The following CADM2 variants were observed in gnomAD, a reference collection of about 807,000 sequenced individuals.
CADM2 encodes the protein cell adhesion molecule 2, also known as immunoglobulin superfamily member 4D.
A neutral mutation model predicts 49.8 loss-of-function variants in CADM2; 12 were observed. The ratio of observed to expected loss-of-function variants is 0.24; its 90% CI spans 0.15 to 0.39. The LOEUF (loss-of-function observed/expected upper bound fraction) is 0.39. CADM2 is among the 10% of genes least tolerant of loss of function. The pLI, the probability that CADM2 is intolerant of heterozygous loss-of-function variation, is 1.00. For synonymous variants in CADM2, 214 were observed against 175.4 expected (o/e 1.22, Z -1.74); for missense variants, 378 against 492.3 (o/e 0.77, Z 2.20).
chr3:85,191,830 G>T (rs900194838), intron 1 of CADM2, among the ~76,000 whole-genome samples: 5 of 152,022 alleles, frequency 3.3e-5, no homozygotes, highest in Non-Finnish European at 7.4e-5. Flanking sequence ...AATTTCTGGA[G>T]GTGTTTATTC....
At position 86,016,087 on chromosome 3, in the gene CADM2, G is replaced by A. The variant is rs556247789; in HGVS notation, c.971-49518G>A. On this transcript the variant is annotated intron_variant, in intron 8 of 9. Transcript: ENST00000383699. ...TATTCACTAAAGGAAAATAATTTAC[G>A]AGCTTCTAGAAATTTTACTATCATG... Among the ~76,000 whole-genome samples the A allele has an allele frequency of 4.6e-5, 7 of 151,964 alleles. No homozygotes were observed. The East Asian group carries it at 7.8e-4, about 17-fold the overall frequency.
intron 1 of CADM2, among the ~76,000 whole-genome samples, chr3:85,455,253 T>A (rs1407854581): frequency 1.3e-5 from 2 of 152,242 alleles, no homozygotes; most frequent in Non-Finnish European, 2.9e-5. Context: ...TTTGAATTCA[T>A]AAGTAAAGGA....
chr3:85,985,017 C>T lies in CADM2; in HGVS notation c.970+23370C>T, dbSNP rs1727920736. 2.0e-5 allele frequency among the ~76,000 whole-genome samples: 3 copies of T among 151,842 alleles called. No individual in the cohort carries two copies. In the South Asian group the frequency reaches 6.2e-4, roughly 31 times the overall value. ...ATATCTAGAACTAGAGTTATATTGA[C>T]AAAACTCACAACATTTTAAGATGTG... On this transcript the variant is annotated intron_variant, in intron 8 of 9. Coordinates refer to ENST00000383699, the MANE Select transcript of CADM2 (RefSeq NM_001167675.2).
chr3:85,337,850 G>T (rs1435490512), intron 1 of CADM2, among the ~76,000 whole-genome samples: 4 of 151,344 alleles, frequency 2.6e-5, no homozygotes, highest in Non-Finnish European at 4.4e-5. Flanking sequence ...TGTCTTATAG[G>T]TTCTATTTAT....
chr3:85,529,437 C>T (rs1378528479), intron 1 of CADM2, among the ~76,000 whole-genome samples: 1 of 152,180 alleles, frequency 6.6e-6, no homozygotes, highest in African/African-American at 2.4e-5. Context: ...CCATTGATTG[C>T]TTCTGCCAAT....
intron 1 of CADM2, among the ~76,000 whole-genome samples, chr3:85,393,893 G>A (rs9841083): frequency 1.2e-3 from 183 of 152,084 alleles, no homozygotes; most frequent in African/African-American, 4.0e-3. Flanking sequence ...TACTCGCTCC[G>A]CCTCCCAGTT....
At chr3:86,061,384 A>G (rs1006947197) in intron 8 of CADM2, among the ~76,000 whole-genome samples, 1 of 152,130 alleles carries the variant, frequency 6.6e-6, no homozygotes, top group East Asian at 1.9e-4. Context: ...GCAGAAACAT[A>G]TAAAATATAT....
At chr3:85,566,696 A>C (rs559054950) in intron 1 of CADM2, among the ~76,000 whole-genome samples, 18 of 152,272 alleles carry the variant, frequency 1.2e-4, no homozygotes, top group Non-Finnish European at 2.4e-4. Flanking sequence ...AGTGTGTTGA[A>C]TTTGTGTTTT....
intron 1 of CADM2, among the ~76,000 whole-genome samples, chr3:85,371,284 G>A (rs1037442854): frequency 1.3e-5 from 2 of 151,998 alleles, no homozygotes; most frequent in Non-Finnish European, 2.9e-5. Context: ...TTCCAGTCCT[G>A]CAAACACTAT....
rs370131421 is a variant in CADM2, at chr3:85,273,706, G to A, written c.61+314038G>A. Among the ~76,000 whole-genome samples, 25 of 150,234 alleles carry A rather than the reference G, an allele frequency of 1.7e-4. 1 individual carries two copies. In the East Asian group the frequency reaches 4.3e-3, roughly 26 times the overall value. On this transcript the variant is annotated intron_variant, in intron 1 of 9. Transcript: ENST00000383699. ...AGAATTTTGGTTTTAGACATATTAA[G>A]TTTGAGACAGCTACTGGACATTTAG...
chr3:84,998,427 A>AC (rs1425341220), intron 1 of CADM2, among the ~76,000 whole-genome samples: 3 of 152,142 alleles, frequency 2.0e-5, no homozygotes, highest in Non-Finnish European at 2.9e-5. Flanking sequence ...TGCCTGAAGT[A>AC]CCCCTTTTAA....
rs186267412 is a variant in CADM2 at position 85,665,026 on chromosome 3, A to C, written c.62-61496A>C. ...ATTTTGTTTACTGCAAAATTTTCAGAACTTTAAAAGTGCTTGGAACATAAT... is the reference window on the plus strand; with the variant it reads ...ATTTTGTTTACTGCAAAATTTTCAGCACTTTAAAAGTGCTTGGAACATAAT... On this transcript the variant is annotated intron_variant, in intron 1 of 9. Coordinates refer to ENST00000383699, the MANE Select transcript of CADM2 (RefSeq NM_001167675.2). Among the ~76,000 whole-genome samples the C allele has an allele frequency of 2.6e-5, 4 of 152,144 alleles. No individual in the cohort carries two copies. The East Asian group carries it at 7.7e-4, about 29-fold the overall frequency.
At chr3:85,637,261 T>C (rs188069835) in intron 1 of CADM2, among the ~76,000 whole-genome samples, 90 of 152,340 alleles carry the variant, frequency 5.9e-4, no homozygotes, top group African/African-American at 2.0e-3. Context: ...TTGAATTTTT[T>C]TCTTTAATAT....
At chr3:85,872,200 A>C (rs376075016) in intron 3 of CADM2, among the ~76,000 whole-genome samples, 276 of 152,306 alleles carry the variant, frequency 1.8e-3, no homozygotes, top group African/African-American at 6.4e-3. Flanking sequence ...CAGCAAGTAC[A>C]GAAGACTTTG....
chr3:85,708,123 T>C (rs888063584), intron 1 of CADM2, among the ~76,000 whole-genome samples: 1 of 152,172 alleles, frequency 6.6e-6, no homozygotes, highest in African/African-American at 2.4e-5. Flanking sequence ...TTCTGTAAAA[T>C]ACCTATGGTT....
chr3:85,005,712 T>G lies in CADM2; in HGVS notation c.61+46044T>G, dbSNP rs532026505. Among the ~76,000 whole-genome samples, 5 of 152,138 alleles carry G rather than the reference T, an allele frequency of 3.3e-5. No individual in the cohort carries two copies. The South Asian group carries it at 1.0e-3, about 32-fold the overall frequency. The stretch of plus-strand genomic sequence containing the variant: ...CTGATAAAAAAAAAAATACAGTTTT[T>G]TTTTCTTTTATACATCTGATTTTCA... On this transcript the variant is annotated intron_variant, in intron 1 of 9. Transcript: ENST00000383699.
chr3:85,211,575 A>G (rs1237869105), intron 1 of CADM2, among the ~76,000 whole-genome samples: 3 of 152,052 alleles, frequency 2.0e-5, no homozygotes, highest in Non-Finnish European at 4.4e-5. Flanking sequence ...TAATTTCCAT[A>G]TGTATGTATA....
At chr3:85,489,440 A>G (rs1576644756) in intron 1 of CADM2, among the ~76,000 whole-genome samples, 1 of 152,150 alleles carries the variant, frequency 6.6e-6, no homozygotes, top group Non-Finnish European at 1.5e-5. Flanking sequence ...TTCATTTAAT[A>G]TATTTATAAG....
At chr3:85,976,422 T>C (rs1218651514) in intron 8 of CADM2, among the ~76,000 whole-genome samples, 1 of 151,598 alleles carries the variant, frequency 6.6e-6, no homozygotes, top group African/African-American at 2.4e-5. Context: ...ATTCAATTGA[T>C]CTTACATCGT....
Sources: gnomAD v4.1 joint callset for allele counts (sites outside exome capture counted in the v4.1 genomes callset) on GRCh38, gnomAD v4.1.1 for gene constraint, MANE v1.5 for transcripts, NCBI Gene and HGNC (gene_info 2026-07-23, HGNC 2026-07-21) for gene names.